Variants in FER1L6 observed in about 807,000 individuals in gnomAD.
FER1L6 encodes fer-1-like protein 6.
FER1L6 carries 177 observed loss-of-function variants against 219.2 expected under a neutral mutation model. That is an observed-to-expected ratio of 0.81 (90% CI 0.71 to 0.91). FER1L6 has a LOEUF of 0.91. FER1L6 is among the 40% of genes least tolerant of loss of function. The pLI is 0.00. For synonymous variants in FER1L6, 768 were observed against 824.3 expected (o/e 0.93, Z 1.17); for missense variants, 2,153 against 2,259.9 (o/e 0.95, Z 0.96).
chr8:123,930,148 T>C (rs545982448), intron 1 of FER1L6, among the ~76,000 whole-genome samples: 1 of 152,138 alleles, frequency 6.6e-6, no homozygotes, highest in Non-Finnish European at 1.5e-5. Context: ...AATCCACTGA[T>C]CTTATTCAGA....
At chr8:124,013,583 C>A (rs1252227910) in intron 15 of FER1L6, 52 bp downstream of exon 15, 2 of 1,263,728 alleles carry the variant, frequency 1.6e-6, no homozygotes, top group East Asian at 2.5e-5. Flanking sequence ...GTGGTCTCAG[C>A]TTTTAATTAC....
intron 9 of FER1L6, among the ~76,000 whole-genome samples, chr8:123,977,145 T>G (rs1255838708): frequency 6.6e-6 from 1 of 152,210 alleles, no homozygotes; most frequent in East Asian, 1.9e-4. Context: ...CCACTGTATT[T>G]CTGGAGTTGC....
chr8:124,066,900 G>C (rs1166704944), intron 27 of FER1L6, among the ~76,000 whole-genome samples: 2 of 152,118 alleles, frequency 1.3e-5, no homozygotes, highest in Non-Finnish European at 1.5e-5. Context: ...CAATGACTGA[G>C]GCCTCAGGAG....
chr8:124,098,144 C>A (rs991947221), intron 37 of FER1L6, among the ~76,000 whole-genome samples: 2 of 152,180 alleles, frequency 1.3e-5, no homozygotes, highest in African/African-American at 4.8e-5. Flanking sequence ...TAAACTTATT[C>A]AGTGACATTT....
intron 1 of FER1L6, among the ~76,000 whole-genome samples, chr8:123,867,972 A>G (rs1816864741): frequency 6.6e-6 from 1 of 152,178 alleles, no homozygotes; most frequent in Admixed American, 6.5e-5. Context: ...ATTATTCTAA[A>G]TTTCAGGAGC....
intron 12 of FER1L6, among the ~76,000 whole-genome samples, chr8:123,994,286 G>A (rs992988208): frequency 1.3e-5 from 2 of 152,152 alleles, no homozygotes; most frequent in South Asian, 2.1e-4. Context: ...GACAGGTGGG[G>A]TCTGGGTCTG....
At chr8:124,047,020 A>C (rs1404661165) in intron 21 of FER1L6, among the ~76,000 whole-genome samples, 2 of 152,252 alleles carry the variant, frequency 1.3e-5, no homozygotes, top group Non-Finnish European at 2.9e-5. Flanking sequence ...TTTAGCATGT[A>C]GTATAGATGC....
intron 1 of FER1L6, among the ~76,000 whole-genome samples, chr8:123,868,981 G>C (rs770554476): frequency 6.6e-6 from 1 of 152,140 alleles, no homozygotes; most frequent in African/African-American, 2.4e-5. Context: ...GTTAGTCTGA[G>C]TTATGCATCT....
intron 18 of FER1L6, among the ~76,000 whole-genome samples, chr8:124,034,598 A>AAG (rs1819119306): frequency 1.3e-5 from 2 of 152,216 alleles, no homozygotes; most frequent in Admixed American, 1.3e-4. Flanking sequence ...GCACATTCAA[A>AAG]AGAGAGAGAG....
At chr8:124,087,597 T>C (rs191748709) in intron 33 of FER1L6, among the ~76,000 whole-genome samples, 57 of 152,216 alleles carry the variant, frequency 3.7e-4, no homozygotes, top group African/African-American at 1.3e-3. Context: ...GTTCTTTTGG[T>C]GAGATAATGT....
Position 123,868,914 on chromosome 8 carries a change from A to G in FER1L6, c.-8+16729A>G, listed in dbSNP as rs116752848. On this transcript the variant is annotated intron_variant, in intron 1 of 40. Coordinates refer to ENST00000522917, the MANE Select transcript of FER1L6 (RefSeq NM_001039112.2). ...GCATAGCCCTGCAGAGAGATTCACA[A>G]ATGATTTAATCAGTAGTTCAGACAG... 9.1e-4 allele frequency among the ~76,000 whole-genome samples: 138 copies of G among 152,084 alleles called. 1 individual carries two copies. Among genetic ancestry groups the G allele is most frequent in the African/African-American group, 3.2e-3 (133 of 41,362 alleles).
intron 1 of FER1L6, among the ~76,000 whole-genome samples, chr8:123,928,960 C>A (rs13268486): frequency 6.6e-6 from 1 of 151,872 alleles, no homozygotes; most frequent in South Asian, 2.1e-4. Flanking sequence ...ACTTAATTAC[C>A]AGTGAAATAG....
intron 22 of FER1L6, among the ~76,000 whole-genome samples, chr8:124,053,914 C>A (rs1820160404): frequency 6.6e-6 from 1 of 152,178 alleles, no homozygotes; most frequent in South Asian, 2.1e-4. Flanking sequence ...AGACTGAATT[C>A]ATTATTTTTA....
At chr8:124,060,783 T>C in intron 24 of FER1L6, 74 bp downstream of exon 24, 1 of 1,468,464 alleles carries the variant, frequency 6.8e-7, no homozygotes, top group Non-Finnish European at 9.3e-7. Flanking sequence ...GGGTTTCAGA[T>C]GTCCACTAGC....
chr8:123,888,276 C>T (rs910719287), intron 1 of FER1L6, among the ~76,000 whole-genome samples: 2 of 152,036 alleles, frequency 1.3e-5, no homozygotes, highest in African/African-American at 4.8e-5. Context: ...ACCACCACAC[C>T]TGGCTGATTT....
chr8:124,001,111 C>T (rs912245890), intron 12 of FER1L6, among the ~76,000 whole-genome samples: 2 of 152,210 alleles, frequency 1.3e-5, no homozygotes, highest in Non-Finnish European at 1.5e-5. Flanking sequence ...CAAGGAAGAA[C>T]TTGCCCATAG....
At chr8:123,925,618 A>C (rs1012990129) in intron 1 of FER1L6, 5 of 152,218 alleles carry the variant, frequency 3.3e-5, no homozygotes, top group African/African-American at 9.7e-5. Context: ...AACATTCAAA[A>C]ACAGAGATAA....
chr8:124,101,186 T>C lies in FER1L6; in HGVS notation c.4973T>C (p.Leu1658Pro). Residue 1658 changes from leucine to proline, a missense_variant, in exon 38 of 41, where the codon CTG becomes CCG. Physicochemically the swap from Leu to Pro is moderately conservative, Grantham distance 98. Coordinates refer to ENST00000522917, the MANE Select transcript of FER1L6 (RefSeq NM_001039112.2). ...TGEGNFNWRF[L>P]FPFQYLPAEK... ...GAGGGCAACTTCAACTGGCGCTTCC[T>C]GTTTCCCTTTCAGTATCTCCCAGCT... 1 of 1,613,986 alleles carries C rather than the reference T, an allele frequency of 6.2e-7. No individual in the cohort carries two copies. The highest frequency in any genetic ancestry group is 2.2e-5 in the East Asian group (1 of 44,824).
intron 1 of FER1L6, among the ~76,000 whole-genome samples, chr8:123,861,374 G>A (rs1444744259): frequency 1.3e-5 from 2 of 149,258 alleles, no homozygotes; most frequent in African/African-American, 5.1e-5. Flanking sequence ...ATGCTGTTTT[G>A]GTTACTGTAT....
Sources: allele counts gnomAD v4.1 joint callset (sites outside exome capture counted in the v4.1 genomes callset), GRCh38; gene constraint gnomAD v4.1.1; transcripts MANE v1.5; gene names NCBI Gene and HGNC (gene_info 2026-07-23, HGNC 2026-07-21).